Variants in CTNNBL1 observed in about 807,000 individuals in gnomAD.
CTNNBL1 encodes catenin beta like 1.
Under a neutral mutation model 72.7 loss-of-function variants are expected in CTNNBL1, and 31 were observed. That is an observed-to-expected ratio of 0.43 (90% confidence interval 0.32 to 0.58). The LOEUF (loss-of-function observed/expected upper bound fraction) is 0.58. CTNNBL1 is among the 20% of genes least tolerant of loss of function. CTNNBL1 has a pLI of 0.08. For missense variants in CTNNBL1, 534 were observed against 725.1 expected, an observed-to-expected ratio of 0.74 and a Z score of 3.03; for synonymous variants, 240 against 267.3, an observed-to-expected ratio of 0.90 and a Z score of 1.00.
chr20:37,869,702 C>T (rs560890296), intron 15 of CTNNBL1, among the ~76,000 whole-genome samples: 3 of 152,258 alleles, frequency 2.0e-5, no homozygotes, highest in South Asian at 2.1e-4. Context: ...GGAGGGGACC[C>T]GGAGGAGGTG....
At chr20:37,801,961 T>C (rs950476024) in intron 10 of CTNNBL1, among the ~76,000 whole-genome samples, 20 of 152,216 alleles carry the variant, frequency 1.3e-4, no homozygotes, top group African/African-American at 4.8e-4. Context: ...AGGAATCTAC[T>C]AAAAGATTAT....
At chr20:37,845,622 C>T (rs73904785) in intron 13 of CTNNBL1, among the ~76,000 whole-genome samples, 1,596 of 152,256 alleles carry the variant, frequency 0.01, 22 homozygotes, top group African/African-American at 0.037. Context: ...CAGATGAAGC[C>T]GCCTCACAGG....
At chr20:37,721,469 G>T (rs2073040081) in intron 1 of CTNNBL1, among the ~76,000 whole-genome samples, 1 of 152,184 alleles carries the variant, frequency 6.6e-6, no homozygotes, top group Non-Finnish European at 1.5e-5. Flanking sequence ...AACCAGTTGG[G>T]CATGACTTGG....
intron 4 of CTNNBL1, among the ~76,000 whole-genome samples, chr20:37,749,176 C>T (rs2073295225): frequency 6.6e-6 from 1 of 152,198 alleles, no homozygotes; most frequent in Admixed American, 6.5e-5. Context: ...TCAGGTCTTC[C>T]TGTGGGATTT....
At chr20:37,731,517 G>T (rs767569926) in intron 1 of CTNNBL1, among the ~76,000 whole-genome samples, 1 of 152,172 alleles carries the variant, frequency 6.6e-6, no homozygotes, top group Admixed American at 6.5e-5. Context: ...TTACAGGTGT[G>T]AGCCACCGCA....
chr20:37,761,660 A>C (rs1003781186), intron 5 of CTNNBL1, among the ~76,000 whole-genome samples: 1 of 152,246 alleles, frequency 6.6e-6, no homozygotes, highest in Non-Finnish European at 1.5e-5. Context: ...GCTTTTGTGG[A>C]GCTCACAAGG....
rs995389705 is a variant in CTNNBL1, at chr20:37,725,253, AC to A, written c.31-7624del. 8.8e-4 allele frequency among the ~76,000 whole-genome samples: 133 copies of A among 150,526 alleles called. 1 individual carries two copies. The highest frequency in any genetic ancestry group is 1.5e-3 in the Non-Finnish European group (102 of 67,712). ...ATTAAAAAGGGACCCACATTTAAAA[AC>A]CTAACTATTAATGGTCAGAGTTCTT... On this transcript the variant is annotated intron_variant, in intron 1 of 15. Transcript: ENST00000361383.
chr20:37,822,122 T>G (rs1435885881), intron 11 of CTNNBL1, among the ~76,000 whole-genome samples: 1 of 152,186 alleles, frequency 6.6e-6, no homozygotes, highest in African/African-American at 2.4e-5. Context: ...AAATCTGTAT[T>G]TTCTGCTTCC....
At chr20:37,749,844 A>G (rs968780967) in intron 4 of CTNNBL1, 5 of 152,130 alleles carry the variant, frequency 3.3e-5, no homozygotes, top group Admixed American at 1.3e-4. Context: ...TCTGTGATCT[A>G]TAATAGAAAT....
At chr20:37,772,879 A>G (rs1178412164) in intron 7 of CTNNBL1, among the ~76,000 whole-genome samples, 3 of 152,118 alleles carry the variant, frequency 2.0e-5, no homozygotes, top group Non-Finnish European at 4.4e-5. Context: ...GTATATAGAG[A>G]TATTCATGGA....
At chr20:37,707,426 G>A (rs1449680355) in intron 1 of CTNNBL1, among the ~76,000 whole-genome samples, 2 of 152,196 alleles carry the variant, frequency 1.3e-5, no homozygotes, top group African/African-American at 2.4e-5. Flanking sequence ...TTCACCTTGC[G>A]CTTTCATGTT....
At chr20:37,814,746 A>G (rs982350582) in intron 11 of CTNNBL1, among the ~76,000 whole-genome samples, 1 of 152,168 alleles carries the variant, frequency 6.6e-6, no homozygotes, top group African/African-American at 2.4e-5. Flanking sequence ...AAGAAAAAAA[A>G]CGGAGTAGGG....
intron 11 of CTNNBL1, among the ~76,000 whole-genome samples, chr20:37,830,347 G>A (rs372706598): frequency 2.6e-5 from 4 of 152,196 alleles, no homozygotes; most frequent in Middle Eastern, 3.4e-3. Flanking sequence ...GTAAATGAAC[G>A]AGTCCTGTGC....
rs6095807 is a variant in CTNNBL1, at chr20:37,703,418, C to G, written c.30+9266C>G. Reference sequence around the variant, plus strand: ...TTGTAGAATGTCCAAAACCTACATTCTTGAACTTGTCAGTGCTGTCTTTTG... The same window carrying G: ...TTGTAGAATGTCCAAAACCTACATTGTTGAACTTGTCAGTGCTGTCTTTTG... On this transcript the variant is annotated intron_variant, in intron 1 of 15. Transcript: ENST00000361383. Among the ~76,000 whole-genome samples, 622 of 152,328 alleles carry G rather than the reference C, an allele frequency of 4.1e-3. 2 individuals carry two copies. Among genetic ancestry groups the G allele is most frequent in the African/African-American group, 0.014 (598 of 41,568 alleles).
rs761006434 is a variant in CTNNBL1, at chr20:37,746,527, C to A, written c.386C>A (p.Thr129Asn). The A allele has an allele frequency of 6.2e-7, 1 of 1,614,134 alleles. No individual in the cohort carries two copies. Among genetic ancestry groups the A allele is most frequent in the Non-Finnish European group, 8.5e-7 (1 of 1,179,998 alleles). The change falls in exon 4 of 16, where the codon ACC (threonine) becomes AAC (asparagine). Residue 129 changes from threonine (T) to asparagine (N), a missense_variant. By Grantham distance (65) the Thr-to-Asn change is moderately conservative. Coordinates refer to ENST00000361383, the MANE Select transcript of CTNNBL1 (RefSeq NM_030877.5). ...DIIQEMHVVA[T>N]MPDLYHLLVE... ...ATTCAGGAGATGCACGTGGTGGCCA[C>A]CATGCCAGACCTGTACCACCTTCTG... is the stretch of plus-strand genomic sequence containing the variant.
At chr20:37,746,258 T>C (rs149517695) in intron 3 of CTNNBL1, among the ~76,000 whole-genome samples, 24 of 152,288 alleles carry the variant, frequency 1.6e-4, no homozygotes, top group African/African-American at 5.8e-4. Context: ...AACCCTGTAA[T>C]GAGATCTGAA....
At chr20:37,766,017 C>T (rs1164755173) in intron 6 of CTNNBL1, among the ~76,000 whole-genome samples, 1 of 152,074 alleles carries the variant, frequency 6.6e-6, no homozygotes, top group African/African-American at 2.4e-5. Context: ...ATGAACAAGG[C>T]CCAGTGGAAG....
At chr20:37,779,879 C>T (rs562347067) in intron 10 of CTNNBL1, among the ~76,000 whole-genome samples, 30 of 152,120 alleles carry the variant, frequency 2.0e-4, no homozygotes, top group Non-Finnish European at 3.2e-4. Flanking sequence ...ATTATTTATA[C>T]GCTAATTCCT....
chr20:37,758,642 A>G (rs1433308759), intron 5 of CTNNBL1, among the ~76,000 whole-genome samples: 3 of 152,170 alleles, frequency 2.0e-5, no homozygotes, highest in African/African-American at 7.2e-5. Context: ...CTACCCTGAT[A>G]CCACCTGTGG....
Sources: gnomAD v4.1 joint callset for allele counts (sites outside exome capture counted in the v4.1 genomes callset) on GRCh38, gnomAD v4.1.1 for gene constraint, MANE v1.5 for transcripts, NCBI Gene and HGNC (gene_info 2026-07-23, HGNC 2026-07-21) for gene names.